NEDD4L: variants seen among roughly 807,000 people sequenced by gnomAD.
The protein encoded by NEDD4L is NEDD4 like E3 ubiquitin protein ligase.
In NEDD4L, 54 loss-of-function variants were observed where a neutral mutation model predicts 148.9. The observed-to-expected ratio is 0.36, with a 90% CI of 0.29 to 0.45. The LOEUF (loss-of-function observed/expected upper bound fraction) is 0.45. NEDD4L is among the 20% of genes least tolerant of loss of function. The pLI is 1.00. For synonymous variants in NEDD4L, 433 were observed against 440.7 expected (o/e 0.98, Z 0.22); for missense variants, 856 against 1,233.8 (o/e 0.69, Z 4.59).
chr18:58,048,625 G>A (rs545788510), intron 1 of NEDD4L, among the ~76,000 whole-genome samples: 1 of 152,328 alleles, frequency 6.6e-6, no homozygotes, highest in East Asian at 1.9e-4. Flanking sequence ...TTAAGATAAT[G>A]TAAGAGAAAT....
chr18:58,360,610 A>G (rs903746671), intron 19 of NEDD4L, among the ~76,000 whole-genome samples: 30 of 151,962 alleles, frequency 2.0e-4, no homozygotes, highest in African/African-American at 7.3e-4. Context: ...TCTGCTTATT[A>G]TTTTTAAGAT....
chr18:58,328,969 T>C, intron 9 of NEDD4L, 26 bp from the exon 10 acceptor site: 1 of 1,613,752 alleles, frequency 6.2e-7, no homozygotes, highest in Non-Finnish European at 8.5e-7. Context: ...TCTCTTCTTC[T>C]CTTTCCCCCT....
chr18:58,149,922 A>G lies in NEDD4L; in HGVS notation c.49-15866A>G, dbSNP rs565727511. On this transcript the variant is annotated intron_variant, in intron 1 of 30. Transcript: ENST00000400345. Reference sequence around the variant, plus strand: ...TCTGTGAATATTTCTCTTACACTATATAGTGAGAAATGACACTCTGCTGTG... The same window carrying G: ...TCTGTGAATATTTCTCTTACACTATGTAGTGAGAAATGACACTCTGCTGTG... Among the ~76,000 whole-genome samples, 3 of 152,342 alleles carry G rather than the reference A, an allele frequency of 2.0e-5. No individual in the cohort carries two copies. The East Asian group carries it at 5.8e-4, about 29-fold the overall frequency.
intron 1 of NEDD4L, among the ~76,000 whole-genome samples, chr18:58,126,533 T>G (rs2145891131): frequency 6.6e-6 from 1 of 152,324 alleles, no homozygotes; most frequent in Middle Eastern, 3.4e-3. Flanking sequence ...AAAAGTCCAT[T>G]CATCAATTCA....
At position 58,349,134 on chromosome 18, in the gene NEDD4L, C is replaced by A. The variant is rs1032516523; in HGVS notation, c.1576-403C>A. 4.6e-5 allele frequency among the ~76,000 whole-genome samples: 7 copies of A among 152,184 alleles called. No individual in the cohort carries two copies. In the South Asian group the frequency reaches 1.2e-3, roughly 27 times the overall value. On this transcript the variant is annotated intron_variant, in intron 16 of 30. Coordinates refer to ENST00000400345, the MANE Select transcript of NEDD4L (RefSeq NM_001144967.3). The stretch of plus-strand genomic sequence containing the variant: ...TATTCCCTAACGTGTTAGGCTGGCT[C>A]CCCTCACCGGGAGCTCGGGACCCAT...
chr18:58,385,866 C>T (rs1038469270), intron 26 of NEDD4L, among the ~76,000 whole-genome samples: 2 of 152,108 alleles, frequency 1.3e-5, no homozygotes, highest in South Asian at 2.1e-4. Flanking sequence ...GGACGTTTTA[C>T]AGACTTGATC....
intron 25 of NEDD4L, among the ~76,000 whole-genome samples, chr18:58,383,923 G>A (rs767705206): frequency 1.3e-5 from 2 of 152,152 alleles, no homozygotes; most frequent in Non-Finnish European, 2.9e-5. Flanking sequence ...GGCACGTTAC[G>A]TTTTCTTTTT....
intron 1 of NEDD4L, among the ~76,000 whole-genome samples, chr18:58,136,483 C>A (rs979526102): frequency 2.6e-5 from 4 of 152,196 alleles, no homozygotes; most frequent in African/African-American, 9.6e-5. Flanking sequence ...CAGCGATTTT[C>A]ATTTTGTTTG....
intron 1 of NEDD4L, among the ~76,000 whole-genome samples, chr18:58,096,434 T>C (rs1439891734): frequency 6.6e-6 from 1 of 150,872 alleles, no homozygotes; most frequent in Non-Finnish European, 1.5e-5. Context: ...GACAGAGTCT[T>C]GCTCTGTCAC....
intron 5 of NEDD4L, among the ~76,000 whole-genome samples, chr18:58,305,948 A>C (rs931088956): frequency 6.6e-5 from 10 of 152,174 alleles, no homozygotes; most frequent in African/African-American, 2.4e-4. Flanking sequence ...TGACTTTATG[A>C]TAGATTCTGT....
At chr18:58,198,646 G>A (rs1330202276) in intron 2 of NEDD4L, among the ~76,000 whole-genome samples, 1 of 152,140 alleles carries the variant, frequency 6.6e-6, no homozygotes, top group Non-Finnish European at 1.5e-5. Flanking sequence ...AGAATCTGAT[G>A]TTTACCTTAG....
At chr18:58,055,948 G>T (rs1269536767) in intron 1 of NEDD4L, among the ~76,000 whole-genome samples, 1 of 152,146 alleles carries the variant, frequency 6.6e-6, no homozygotes, top group African/African-American at 2.4e-5. Context: ...ACCTTTTCAT[G>T]ACCGTATAAG....
At chr18:58,173,544 G>T (rs373666309) in intron 2 of NEDD4L, among the ~76,000 whole-genome samples, 7 of 152,128 alleles carry the variant, frequency 4.6e-5, no homozygotes, top group African/African-American at 7.2e-5. Context: ...GAGTGATGGG[G>T]TCCTAACTCT....
chr18:58,308,670 G>A (rs967468335), intron 5 of NEDD4L, among the ~76,000 whole-genome samples: 1 of 152,238 alleles, frequency 6.6e-6, no homozygotes, highest in Non-Finnish European at 1.5e-5. Flanking sequence ...TTCAGTGCCT[G>A]GATGGTGGGA....
chr18:58,269,412 G>A (rs1243040029), intron 5 of NEDD4L, among the ~76,000 whole-genome samples: 3 of 151,938 alleles, frequency 2.0e-5, no homozygotes, highest in Non-Finnish European at 1.5e-5. Flanking sequence ...AAAAGGATTA[G>A]GTATTACCCT....
At chr18:58,343,181 A>G in intron 16 of NEDD4L, 78 bp downstream of exon 16, 5 of 1,171,104 alleles carry the variant, frequency 4.3e-6, no homozygotes, top group Non-Finnish European at 5.7e-6. Context: ...TAGTGTTTGT[A>G]GTTCTTGCAG....
chr18:58,093,246 T>G (rs1269327470), intron 1 of NEDD4L, among the ~76,000 whole-genome samples: 2 of 152,198 alleles, frequency 1.3e-5, no homozygotes, highest in Non-Finnish European at 2.9e-5. Flanking sequence ...TACTGATTTT[T>G]AAATTTTTTT....
chr18:58,154,778 G>A (rs923249276), intron 1 of NEDD4L, among the ~76,000 whole-genome samples: 2 of 152,196 alleles, frequency 1.3e-5, no homozygotes, highest in African/African-American at 4.8e-5. Flanking sequence ...ACAAGAGTGA[G>A]ACTTCGTCTC....
intron 7 of NEDD4L, 120 bp from the exon 8 acceptor site, chr18:58,323,112 T>A: frequency 3.5e-6 from 2 of 573,730 alleles, no homozygotes; most frequent in Non-Finnish European, 6.3e-6. Flanking sequence ...GTGCTGTGGG[T>A]ATGGGTGGGT....
Sources: allele counts gnomAD v4.1 joint callset (sites outside exome capture counted in the v4.1 genomes callset), GRCh38; gene constraint gnomAD v4.1.1; transcripts MANE v1.5; gene names NCBI Gene and HGNC (gene_info 2026-07-23, HGNC 2026-07-21).